DEF6: variants seen among roughly 807,000 people sequenced by gnomAD.
DEF6 encodes the protein DEF6 guanine nucleotide exchange factor.
Under a neutral mutation model 80.5 loss-of-function variants are expected in DEF6, and 32 were observed. That is an observed-to-expected ratio of 0.40 (90% confidence interval 0.30 to 0.53). The LOEUF is 0.53. DEF6 is among the 20% of genes least tolerant of loss of function. The pLI is 0.57. For synonymous variants in DEF6, 300 were observed against 337.9 expected, an observed-to-expected ratio of 0.89 and a Z score of 1.23; for missense variants, 575 against 818.7, an observed-to-expected ratio of 0.70 and a Z score of 3.63.
rs183763158 is a variant in DEF6 at position 35,309,212 on chromosome 6, T to G, written c.97-458T>G. Reference sequence around the variant, plus strand: ...ACTGTCTAGCATTGTGGGAAGCACTTGGGCTTTGGAATCTGATGGAGATGG... The same window carrying G: ...ACTGTCTAGCATTGTGGGAAGCACTGGGGCTTTGGAATCTGATGGAGATGG... On this transcript the variant is annotated intron_variant, in intron 1 of 10. Transcript: ENST00000316637. Among the ~76,000 whole-genome samples, 37 of 152,342 alleles carry G rather than the reference T, an allele frequency of 2.4e-4. No homozygotes were observed. The East Asian group carries it at 5.4e-3, about 22-fold the overall frequency.
intron 5 of DEF6, among the ~76,000 whole-genome samples, chr6:35,315,215 GA>G (rs1291781945): frequency 6.6e-6 from 1 of 152,076 alleles, no homozygotes; most frequent in Non-Finnish European, 1.5e-5. Flanking sequence ...TTAGAGACAG[GA>G]TTTTTCTCTG....
chr6:35,303,859 A>C (rs748072717), intron 1 of DEF6, among the ~76,000 whole-genome samples: 12 of 152,154 alleles, frequency 7.9e-5, no homozygotes, highest in Non-Finnish European at 1.3e-4. Context: ...TAGGCCCAGC[A>C]CGGTGGCTCT....
Position 35,312,514 on chromosome 6 carries a change from G to C in DEF6, c.636G>C (p.Glu212Asp). ...TGGCCATCCACGAGGTCTACCAGGA[G>C]CTCATCCAAGATGTCCTGAAGCAGG... Reference protein sequence around the residue: ...LSMAIHEVYQELIQDVLKQGY... With the variant: ...LSMAIHEVYQDLIQDVLKQGY... Residue 212 changes from glutamate to aspartate, a missense_variant, in exon 4 of 11, where the codon GAG (glutamate) becomes GAC (aspartate). By Grantham distance (45) the Glu-to-Asp change is conservative. Transcript: ENST00000316637. This position sits in a 1 kb window ranked among gnomAD's most constrained non-coding sequence, Gnocchi z 6.6. 1 of 1,614,184 alleles carries C rather than the reference G, an allele frequency of 6.2e-7. No individual in the cohort carries two copies. The highest frequency in any genetic ancestry group is 1.1e-5 in the South Asian group (1 of 91,088).
At position 35,312,192 on chromosome 6, in the gene DEF6, T is replaced by C; in HGVS notation, c.424-110T>C. On this transcript the variant is annotated intron_variant, in intron 3 of 10. Transcript: ENST00000316637. The surrounding 1 kb of genome is among the most constrained non-coding windows in gnomAD (Gnocchi z 6.6). ...GTCCTCTGGCCCCCTCAACGCTCTG[T>C]CCCCTGTTTCCCTCTGCCCAGGCTC... The C allele has an allele frequency of 1.1e-6, 1 of 879,974 alleles. No homozygotes were observed. The highest frequency in any genetic ancestry group is 1.8e-6 in the Non-Finnish European group (1 of 565,366). The allele number at this position is 879,974 out of a possible 1,614,324, so 54.5% of individuals were successfully genotyped here.
At chr6:35,304,020 C>G (rs1380778466) in intron 1 of DEF6, among the ~76,000 whole-genome samples, 1 of 152,124 alleles carries the variant, frequency 6.6e-6, no homozygotes, top group African/African-American at 2.4e-5. Flanking sequence ...GTAATCCCAG[C>G]TACTCAGGAG....
At position 35,317,978 on chromosome 6, in the gene DEF6, C is replaced by T; in HGVS notation, c.895C>T (p.Gln299Ter). Residue 299 changes from glutamine to a stop codon, truncating the protein, a stop_gained, in exon 6 of 11, where the codon CAG becomes TAG. Coordinates refer to ENST00000316637, the MANE Select transcript of DEF6 (RefSeq NM_022047.4). LOFTEE classifies it high-confidence loss of function. Reference protein sequence around the residue: ...TYEMSASDTRQRQEWTAAIQM... With the variant: ...TYEMSASDTR ...TGAGATGAGCGCCTCAGACACGCGC[C>T]AGCGCCAGGAGTGGACAGCTGGTGA... 6.2e-7 allele frequency: 1 copy of T among 1,613,722 alleles called. No individual in the cohort carries two copies. The highest frequency in any genetic ancestry group is 8.5e-7 in the Non-Finnish European group (1 of 1,179,856).
chr6:35,306,303 G>C (rs1791389391), intron 1 of DEF6, among the ~76,000 whole-genome samples: 1 of 151,432 alleles, frequency 6.6e-6, no homozygotes, highest in Non-Finnish European at 1.5e-5. Flanking sequence ...CTGAGGTCAG[G>C]AGTTTGAGAC....
intron 5 of DEF6, among the ~76,000 whole-genome samples, chr6:35,315,215 G>A (rs982845957): frequency 3.9e-5 from 6 of 152,076 alleles, no homozygotes; most frequent in African/African-American, 1.4e-4. Context: ...TTAGAGACAG[G>A]ATTTTTCTCT....
At chr6:35,316,876 C>T (rs977265329) in intron 5 of DEF6, among the ~76,000 whole-genome samples, 3 of 152,224 alleles carry the variant, frequency 2.0e-5, no homozygotes, top group Admixed American at 1.3e-4. Flanking sequence ...ACTCCTCATA[C>T]TCCCTGACCC....
Position 35,309,766 on chromosome 6 carries a change from A to C in DEF6, c.193A>C (p.Ser65Arg). 6.2e-7 allele frequency: 1 copy of C among 1,614,068 alleles called. No homozygotes were observed. Among genetic ancestry groups the C allele is most frequent in the Non-Finnish European group, 8.5e-7 (1 of 1,180,014 alleles). The change falls in exon 2 of 11, where the codon AGC becomes CGC. Residue 65 changes from serine (S) to arginine (R), a missense_variant. By Grantham distance (110) the Ser-to-Arg change is moderately radical. Transcript: ENST00000316637. The part of the protein sequence containing the change: ...FRDDDDGPVS[S>R]QGYMPYLNKY... ...AGATGATGATGACGGCCCTGTGTCCAGCCAGGGATACATGCCCTACCTCAA... is the reference window on the plus strand; with the variant it reads ...AGATGATGATGACGGCCCTGTGTCCCGCCAGGGATACATGCCCTACCTCAA...
rs1007482612 is a variant in DEF6, at chr6:35,313,936, T to G, written c.807+1164T>G. On this transcript the variant is annotated intron_variant, in intron 5 of 10. Coordinates refer to ENST00000316637, the MANE Select transcript of DEF6 (RefSeq NM_022047.4). ...CAGATATCTCTTCAATATATTGGTTTACTTTCTTTTAGATATATACCCAGC... is the reference window on the plus strand; with the variant it reads ...CAGATATCTCTTCAATATATTGGTTGACTTTCTTTTAGATATATACCCAGC... 5.6e-4 allele frequency among the ~76,000 whole-genome samples: 85 copies of G among 152,368 alleles called. 1 individual carries two copies. Among genetic ancestry groups the G allele is most frequent in the African/African-American group, 1.7e-3 (69 of 41,586 alleles).
At chr6:35,306,811 A>G (rs1791397103) in intron 1 of DEF6, among the ~76,000 whole-genome samples, 1 of 152,230 alleles carries the variant, frequency 6.6e-6, no homozygotes, top group African/African-American at 2.4e-5. Flanking sequence ...CACAACTTTT[A>G]TTAAGCAGTG....
chr6:35,307,216 T>C (rs542744506), intron 1 of DEF6, among the ~76,000 whole-genome samples: 4 of 152,310 alleles, frequency 2.6e-5, no homozygotes, highest in African/African-American at 4.8e-5. Flanking sequence ...CTGGCCAACA[T>C]AGCGAAATTC....
intron 1 of DEF6, among the ~76,000 whole-genome samples, chr6:35,301,932 G>A (rs1276602806): frequency 6.6e-6 from 1 of 152,002 alleles, no homozygotes; most frequent in African/African-American, 2.4e-5. Flanking sequence ...TTGCCATGTT[G>A]GCCAGGCTGG....
chr6:35,319,686 A>G lies in DEF6; in HGVS notation c.1378A>G (p.Thr460Ala). Residue 460 changes from threonine to alanine, a missense_variant, in exon 8 of 11, where the codon ACC (threonine) becomes GCC (alanine). Transcript: ENST00000316637. This position sits in a 1 kb window ranked among gnomAD's most constrained non-coding sequence, Gnocchi z 4.5. ...TGAAGAATCTGTGCGAATCGCTCAG[A>G]CCAGGTAGGCCTGAGGAACCTCTTC... ...RDEESVRIAQ[T>A]RLLEEEEEKL... The G allele has an allele frequency of 6.2e-7, 1 of 1,610,848 alleles. No homozygotes were observed.
intron 5 of DEF6, among the ~76,000 whole-genome samples, chr6:35,313,746 C>T (rs1791494570): frequency 1.3e-5 from 2 of 152,150 alleles, no homozygotes. Flanking sequence ...ACAAAATGAC[C>T]TATGGTGCCA....
In DEF6 at chr6:35,309,749, A is replaced by G; in HGVS notation, c.176A>G (p.Asp59Gly). ...CTGGAGGAACACTTCCGAGATGATG[A>G]TGACGGCCCTGTGTCCAGCCAGGGA... The part of the protein sequence containing the change: ...VALEEHFRDD[D>G]DGPVSSQGYM... The change falls in exon 2 of 11, where the codon GAT becomes GGT. Residue 59 changes from aspartate to glycine, a missense_variant. Coordinates refer to ENST00000316637, the MANE Select transcript of DEF6 (RefSeq NM_022047.4). 6.2e-7 allele frequency: 1 copy of G among 1,614,046 alleles called. No homozygotes were observed. The highest frequency in any genetic ancestry group is 8.5e-7 in the Non-Finnish European group (1 of 1,180,004).
At chr6:35,300,874 T>C (rs73409769) in intron 1 of DEF6, among the ~76,000 whole-genome samples, 4,019 of 152,242 alleles carry the variant, frequency 0.026, 64 homozygotes, top group Middle Eastern at 0.054. Flanking sequence ...GGAGCAGTTT[T>C]GATTTTAGAA....
chr6:35,318,110 C>T lies in DEF6; in HGVS notation c.917-63C>T. On this transcript the variant is annotated intron_variant, in intron 6 of 10. Transcript: ENST00000316637. This position sits in a 1 kb window ranked among gnomAD's most constrained non-coding sequence, Gnocchi z 5.1. ...GAGGTTGGAGAGTGGACTCGGGAAACTCCTAAGGCCCCTTTCGGGCCGTGT... is the reference window on the plus strand; with the variant it reads ...GAGGTTGGAGAGTGGACTCGGGAAATTCCTAAGGCCCCTTTCGGGCCGTGT... The T allele has an allele frequency of 6.5e-7, 1 of 1,536,686 alleles. No homozygotes were observed. Among genetic ancestry groups the T allele is most frequent in the Non-Finnish European group, 8.8e-7 (1 of 1,142,330 alleles).
Sources: gnomAD v4.1 joint callset for allele counts (sites outside exome capture counted in the v4.1 genomes callset) on GRCh38, gnomAD v4.1.1 for gene constraint, Gnocchi (gnomAD v3.1) non-coding constraint, MANE v1.5 for transcripts, NCBI Gene and HGNC (gene_info 2026-07-23, HGNC 2026-07-21) for gene names.